Variants in DHRSX observed in about 807,000 individuals in gnomAD.
The protein encoded by DHRSX is polyprenol dehydrogenase.
Under a neutral mutation model 34.0 loss-of-function variants are expected in DHRSX, and 31 were observed. The observed-to-expected ratio is 0.91, with a 90% confidence interval of 0.69 to 1.23. The LOEUF (loss-of-function observed/expected upper bound fraction) is 1.23, where lower values mean the gene tolerates loss of function less well. Among genes scored for constraint, DHRSX ranks in the 50% most tolerant of loss-of-function variants. DHRSX has a pLI of 0.00. For synonymous variants in DHRSX, 201 were observed against 183.8 expected (o/e 1.09, Z -0.76); for missense variants, 414 against 428.1 (o/e 0.97, Z 0.29).
At chrX:2,485,145 G>A (rs1378243344) in intron 1 of DHRSX, among the ~76,000 whole-genome samples, 3 of 152,144 alleles carry the variant, frequency 2.0e-5, no homozygotes, top group Non-Finnish European at 2.9e-5. Context: ...CCACCACTGT[G>A]CGGAAGGAGT....
intron 1 of DHRSX, among the ~76,000 whole-genome samples, chrX:2,435,090 G>A (rs777066425): frequency 6.6e-6 from 1 of 151,230 alleles, no homozygotes; most frequent in Non-Finnish European, 1.5e-5. Context: ...GATGCAGGTT[G>A]GTACAGAAAT....
intron 4 of DHRSX, among the ~76,000 whole-genome samples, chrX:2,288,870 A>AAG (rs1360758871): frequency 1.3e-5 from 2 of 152,192 alleles, no homozygotes; most frequent in Non-Finnish European, 2.9e-5. Context: ...TGTTTCTGAG[A>AAG]GCCCTGTGTG....
chrX:2,408,813 G>A lies in DHRSX; in HGVS notation c.218C>T (p.Ala73Val). 1 of 1,606,470 alleles carries A rather than the reference G, an allele frequency of 6.2e-7. No homozygotes were observed. Among genetic ancestry groups the A allele is most frequent in the Non-Finnish European group, 8.5e-7 (1 of 1,177,660 alleles). ...LARLGMHVII[A>V]GNNDSKAKQV... ...TTTGGCTTTGCTGTCATTATTTCCA[G>A]CTAAAAGGAAAAAGAAAAAAAAGAT... Residue 73 changes from alanine (A) to valine (V), a missense_variant and splice_region_variant, in exon 3 of 7, where the codon GCT becomes GTT. By Grantham distance (64) the Ala-to-Val change is moderately conservative. Transcript: ENST00000334651.
At position 2,458,952 on chromosome X, in the gene DHRSX, C is replaced by T. The variant is rs1321373787; in HGVS notation, c.110-33648G>A. On this transcript the variant is annotated intron_variant, in intron 1 of 6. Transcript: ENST00000334651. ...CCCAGGAATTCAAGACCAGCCTGAG[C>T]AACATAGCAAGACCCCATCTCTACA... 2.6e-5 allele frequency among the ~76,000 whole-genome samples: 4 copies of T among 151,942 alleles called. No individual in the cohort carries two copies. In the East Asian group the frequency reaches 7.7e-4, roughly 29 times the overall value.
chrX:2,344,135 G>C (rs1340374112), intron 3 of DHRSX, among the ~76,000 whole-genome samples: 1 of 152,132 alleles, frequency 6.6e-6, no homozygotes, highest in African/African-American at 2.4e-5. Flanking sequence ...TCATGAGAGC[G>C]GGCTCCAGCA....
intron 3 of DHRSX, among the ~76,000 whole-genome samples, chrX:2,307,967 A>T (rs906404851): frequency 3.9e-5 from 6 of 152,034 alleles, no homozygotes; most frequent in Non-Finnish European, 4.4e-5. Flanking sequence ...TTCCCAGGGC[A>T]CCATGAGAGG....
intron 1 of DHRSX, 48 bp downstream of exon 1, chrX:2,500,769 C>T (rs2045407670): frequency 2.0e-6 from 2 of 979,142 alleles, no homozygotes; most frequent in African/African-American, 1.8e-5. Flanking sequence ...AGCCAGCCCG[C>T]GCCCACCCGG....
At position 2,254,519 on chromosome X, in the gene DHRSX, A is replaced by C. The variant is rs779122384; in HGVS notation, c.597-11289T>G. 3.9e-5 allele frequency among the ~76,000 whole-genome samples: 6 copies of C among 152,176 alleles called. No homozygotes were observed. In the East Asian group the frequency reaches 9.6e-4, roughly 24 times the overall value. On this transcript the variant is annotated intron_variant, in intron 5 of 6. Coordinates refer to ENST00000334651, the MANE Select transcript of DHRSX (RefSeq NM_145177.3). ...AATTTTCCCTTTGGCAGTACAAACAACTCCATTACATTCTTTCTAGGATAT... is the reference window on the plus strand; with the variant it reads ...AATTTTCCCTTTGGCAGTACAAACACCTCCATTACATTCTTTCTAGGATAT...
At chrX:2,497,355 T>C (rs149992225) in intron 1 of DHRSX, among the ~76,000 whole-genome samples, 599 of 152,234 alleles carry the variant, frequency 3.9e-3, no homozygotes, top group Non-Finnish European at 6.3e-3. Flanking sequence ...ATCACGCCAT[T>C]GCACTCCAGC....
intron 1 of DHRSX, among the ~76,000 whole-genome samples, chrX:2,425,729 C>T (rs961646456): frequency 1.3e-5 from 2 of 152,106 alleles, no homozygotes; most frequent in African/African-American, 4.8e-5. Context: ...TATGGTGGGG[C>T]CAACAGATCA....
At chrX:2,262,547 C>G (rs1176491553) in intron 5 of DHRSX, among the ~76,000 whole-genome samples, 1 of 152,160 alleles carries the variant, frequency 6.6e-6, no homozygotes. Flanking sequence ...CATACTGGTA[C>G]ACACCTCACC....
At chrX:2,413,722 T>C (rs1353931793) in intron 2 of DHRSX, among the ~76,000 whole-genome samples, 1 of 152,160 alleles carries the variant, frequency 6.6e-6, no homozygotes, top group Non-Finnish European at 1.5e-5. Flanking sequence ...TCCTGTGACC[T>C]ACAAAACTAG....
At chrX:2,402,552 C>A (rs1466137302) in intron 3 of DHRSX, among the ~76,000 whole-genome samples, 1 of 152,172 alleles carries the variant, frequency 6.6e-6, no homozygotes, top group Non-Finnish European at 1.5e-5. Context: ...CAGACTCAGT[C>A]GAGGTAAAGG....
intron 4 of DHRSX, among the ~76,000 whole-genome samples, chrX:2,273,156 G>A (rs756588074): frequency 1.3e-5 from 2 of 152,072 alleles, no homozygotes; most frequent in Non-Finnish European, 2.9e-5. Flanking sequence ...TCGCACCACT[G>A]CACTCCAGCC....
At chrX:2,292,376 A>C (rs763898056) in intron 3 of DHRSX, among the ~76,000 whole-genome samples, 1 of 152,130 alleles carries the variant, frequency 6.6e-6, no homozygotes, top group Non-Finnish European at 1.5e-5. Context: ...GCCAGATGAC[A>C]CTTTGGTTAT....
At chrX:2,245,498 TG>T (rs2124430765) in intron 5 of DHRSX, among the ~76,000 whole-genome samples, 1 of 151,024 alleles carries the variant, frequency 6.6e-6, no homozygotes, top group East Asian at 2.0e-4. Context: ...TTAGTAGACA[TG>T]GGGTTTCACC....
intron 3 of DHRSX, among the ~76,000 whole-genome samples, chrX:2,361,571 G>C (rs1454862347): frequency 6.6e-6 from 1 of 152,106 alleles, no homozygotes; most frequent in Non-Finnish European, 1.5e-5. Flanking sequence ...TGGTATTAAT[G>C]ATTGAATTTT....
chrX:2,402,217 G>C (rs1010058826), intron 3 of DHRSX, among the ~76,000 whole-genome samples: 2 of 152,186 alleles, frequency 1.3e-5, no homozygotes, highest in Non-Finnish European at 2.9e-5. Context: ...GCTGAACCGG[G>C]GTTACCCGAT....
intron 5 of DHRSX, among the ~76,000 whole-genome samples, chrX:2,251,669 A>G (rs757800995): frequency 3.3e-5 from 5 of 152,298 alleles, no homozygotes; most frequent in Non-Finnish European, 2.9e-5. Context: ...GAAAGTAAAA[A>G]AAATGGCCTT....
Sources: allele counts gnomAD v4.1 joint callset (sites outside exome capture counted in the v4.1 genomes callset), GRCh38; gene constraint gnomAD v4.1.1; transcripts MANE v1.5; gene names NCBI Gene and HGNC (gene_info 2026-07-23, HGNC 2026-07-21).